The following TTC1 variants were observed in gnomAD, a reference collection of about 807,000 sequenced individuals.
The protein encoded by TTC1 is tetratricopeptide repeat domain 1.
Under a neutral mutation model 37.6 loss-of-function variants are expected in TTC1, and 31 were observed. The ratio of observed to expected loss-of-function variants is 0.82; its 90% CI spans 0.62 to 1.11. The LOEUF (loss-of-function observed/expected upper bound fraction) is 1.11, where lower values mean the gene tolerates loss of function less well. Among genes scored for constraint, TTC1 ranks in the 50% most tolerant of loss-of-function variants. The probability of loss-of-function intolerance (pLI) is 0.00; values close to 1 mark genes in which losing one functional copy is unlikely to be tolerated. For missense variants in TTC1, 351 were observed against 339.0 expected, an observed-to-expected ratio of 1.04 and a Z score of -0.28; for synonymous variants, 127 against 122.4, an observed-to-expected ratio of 1.04 and a Z score of -0.25.
chr5:160,025,773 C>T (rs1374864585), intron 2 of TTC1, among the ~76,000 whole-genome samples: 1 of 152,002 alleles, frequency 6.6e-6, no homozygotes, highest in Non-Finnish European at 1.5e-5. Context: ...CTTTGCTTTG[C>T]TTTGTTTTAT....
At chr5:160,024,079 G>C (rs941398815) in intron 2 of TTC1, 1 of 963,506 alleles carries the variant, frequency 1.0e-6, no homozygotes, top group Non-Finnish European at 1.7e-6. Flanking sequence ...AAGTGTGGGG[G>C]GATGGGCAAT....
chr5:160,043,126 T>C lies in TTC1; in HGVS notation c.505-7T>C, dbSNP rs1304734647. ...GCAACACATATTAATACTGTTTTTC[T>C]TTTTAGGACAAGAAAGAAATGGCCA... On this transcript the variant is annotated splice_polypyrimidine_tract_variant and splice_region_variant and intron_variant, in intron 4 of 7. Coordinates refer to ENST00000231238, the MANE Select transcript of TTC1 (RefSeq NM_003314.3). The C allele has an allele frequency of 6.2e-7, 1 of 1,613,226 alleles. No individual in the cohort carries two copies. Among genetic ancestry groups the C allele is most frequent in the Non-Finnish European group, 8.5e-7 (1 of 1,179,624 alleles).
At chr5:160,022,073 T>G (rs990135597) in intron 2 of TTC1, among the ~76,000 whole-genome samples, 19 of 152,236 alleles carry the variant, frequency 1.2e-4, no homozygotes, top group African/African-American at 4.6e-4. Context: ...CTTGCCGGAG[T>G]GAGAGTCTTG....
At chr5:160,045,933 G>A (rs1757231666) in intron 5 of TTC1, among the ~76,000 whole-genome samples, 3 of 152,034 alleles carry the variant, frequency 2.0e-5, no homozygotes, top group Admixed American at 2.0e-4. Flanking sequence ...GGTAGAGACA[G>A]GGTTTCACCA....
At chr5:160,025,998 A>G (rs1756797921) in intron 2 of TTC1, among the ~76,000 whole-genome samples, 1 of 152,238 alleles carries the variant, frequency 6.6e-6, no homozygotes, top group Non-Finnish European at 1.5e-5. Context: ...GCAATCCGGA[A>G]CTGTTAACTA....
At chr5:160,016,277 C>T (rs1756604936) in intron 2 of TTC1, among the ~76,000 whole-genome samples, 1 of 152,188 alleles carries the variant, frequency 6.6e-6, no homozygotes, top group Non-Finnish European at 1.5e-5. Context: ...ACTTAGAAGG[C>T]TGAGGCACGA....
In TTC1 at chr5:160,019,137, C is replaced by T. The variant is rs556190800; in HGVS notation, c.330+8279C>T. On this transcript the variant is annotated intron_variant, in intron 2 of 7. Coordinates refer to ENST00000231238, the MANE Select transcript of TTC1 (RefSeq NM_003314.3). Reference sequence around the variant, plus strand: ...TTTGCTCCCTTTCACTAGTGGTTTGCAAATGGTATTCATTTACATGTACAC... The same window carrying T: ...TTTGCTCCCTTTCACTAGTGGTTTGTAAATGGTATTCATTTACATGTACAC... Among the ~76,000 whole-genome samples the T allele has an allele frequency of 1.1e-4, 17 of 152,282 alleles. No individual in the cohort carries two copies. In the East Asian group the frequency reaches 1.7e-3, roughly 16 times the overall value.
chr5:160,035,142 AAGAAG>A lies in TTC1; in HGVS notation c.342_346del (p.Glu115HisfsTer2). ...TGTAATTCTCTGATGTCTTTCAGAA[AAGAAG>A]AGAAGAGAGCACTAGACTAAAGGAG... On this transcript the variant is annotated frameshift_variant, in exon 3 of 8. Coordinates refer to ENST00000231238, the MANE Select transcript of TTC1 (RefSeq NM_003314.3). LOFTEE classifies it high-confidence loss of function. The A allele has an allele frequency of 3.1e-6, 5 of 1,593,666 alleles. No homozygotes were observed. Among genetic ancestry groups the A allele is most frequent in the Middle Eastern group, 1.7e-4 (1 of 5,970 alleles).
At position 160,029,961 on chromosome 5, in the gene TTC1, A is replaced by G. The variant is rs564794635; in HGVS notation, c.331-5179A>G. Among the ~76,000 whole-genome samples, 4 of 152,348 alleles carry G rather than the reference A, an allele frequency of 2.6e-5. No homozygotes were observed. The East Asian group carries it at 7.7e-4, about 29-fold the overall frequency. ...GCCTTGACAGGAGCCTCTTCTGCCC[A>G]GGTCTGAGGGCCAAAAAGCGCTCTA... On this transcript the variant is annotated intron_variant, in intron 2 of 7. Coordinates refer to ENST00000231238, the MANE Select transcript of TTC1 (RefSeq NM_003314.3).
intron 2 of TTC1, among the ~76,000 whole-genome samples, chr5:160,032,780 C>T (rs1756935008): frequency 7.1e-6 from 1 of 141,644 alleles, no homozygotes; most frequent in South Asian, 2.3e-4. Context: ...GTGGCGCGGC[C>T]TTGACTCACT....
At chr5:160,038,755 C>T (rs1268755804) in intron 4 of TTC1, among the ~76,000 whole-genome samples, 3 of 149,934 alleles carry the variant, frequency 2.0e-5, no homozygotes, top group African/African-American at 4.9e-5. Context: ...CTCCGCCTCC[C>T]GTGTTCAAGC....
intron 4 of TTC1, among the ~76,000 whole-genome samples, chr5:160,042,699 A>C (rs374862658): frequency 2.6e-5 from 4 of 152,258 alleles, no homozygotes; most frequent in South Asian, 2.1e-4. Flanking sequence ...GTGTGTCTGT[A>C]GGTGGAGCAT....
chr5:160,010,515 C>T lies in TTC1; in HGVS notation c.-14C>T, dbSNP rs1756480440. On this transcript the variant is annotated 5_prime_UTR_variant, in exon 2 of 8. Coordinates refer to ENST00000231238, the MANE Select transcript of TTC1 (RefSeq NM_003314.3). ...TTTCCCCCAGCTTTAGCGTCACCTC[C>T]CTCACTGGGCAGCATGGGGGAGAAG... 6.2e-7 allele frequency: 1 copy of T among 1,604,046 alleles called. No homozygotes were observed. Among genetic ancestry groups the T allele is most frequent in the African/African-American group, 1.3e-5 (1 of 74,582 alleles).
At chr5:160,009,332 G>A (rs893264947) in intron 1 of TTC1, 139 bp downstream of exon 1, 3 of 152,226 alleles carry the variant, frequency 2.0e-5, no homozygotes, top group African/African-American at 4.8e-5. Flanking sequence ...TGGGAGCGAA[G>A]AGAAGCAAGA....
rs1757346360 is a variant in TTC1, at chr5:160,049,557, A to G, written c.585A>G (p.Arg195=). 1 of 1,609,402 alleles carries G rather than the reference A, an allele frequency of 6.2e-7. No homozygotes were observed. Among genetic ancestry groups the G allele is most frequent in the South Asian group, 1.1e-5 (1 of 90,126 alleles). ...NPSYIRAILR[R]AELYEKTDKL... ...GCTATATCAGGGCAATATTGAGGAGAGCAGAGTTGTATGAGAAGACGGACA... is the reference window on the plus strand; with the variant it reads ...GCTATATCAGGGCAATATTGAGGAGGGCAGAGTTGTATGAGAAGACGGACA... The change falls in exon 6 of 8, where the codon AGA becomes AGG. Residue 195 remains arginine (R), a synonymous_variant. Coordinates refer to ENST00000231238, the MANE Select transcript of TTC1 (RefSeq NM_003314.3).
rs933428158 is a variant in TTC1, at chr5:160,057,520, C to T, written c.745+6337C>T. 6.6e-6 allele frequency among the ~76,000 whole-genome samples: 1 copy of T among 152,138 alleles called. No homozygotes were observed. The highest frequency in any genetic ancestry group is 2.4e-5 in the African/African-American group (1 of 41,420). On this transcript the variant is annotated intron_variant, in intron 7 of 7. Transcript: ENST00000231238. The surrounding 1 kb of genome is among the most constrained non-coding windows in gnomAD (Gnocchi z 4.4). ...TTGCTGCTGGAGGGCCTTGCCTCCA[C>T]GTGGATGGTTGCTGACTGATCAGGT...
chr5:160,038,724 G>A lies in TTC1; in HGVS notation c.504+1921G>A, dbSNP rs192304834. ...GTCACCTAGGCTGGAGTGCAGTGGT[G>A]TGATCTCGGCTCACTGCAACCTCCG... is the stretch of plus-strand genomic sequence containing the variant. On this transcript the variant is annotated intron_variant, in intron 4 of 7. Coordinates refer to ENST00000231238, the MANE Select transcript of TTC1 (RefSeq NM_003314.3). 2.2e-3 allele frequency among the ~76,000 whole-genome samples: 314 copies of A among 143,298 alleles called. 5 individuals carry two copies. Among genetic ancestry groups the A allele is most frequent in the Admixed American group, 0.02 (270 of 13,568 alleles). The allele number at this position is 143,298 out of a possible 152,430, so 94.0% of individuals were successfully genotyped here.
chr5:160,048,126 CTTTTTTTTTTT>C (rs56201199), intron 5 of TTC1, among the ~76,000 whole-genome samples: 103 of 35,570 alleles, frequency 2.9e-3, no homozygotes, highest in Middle Eastern at 0.023. Context: ...CAAGACATTG[CTTTTTTTTTTT>C]TTTTTTTTTT....
chr5:160,031,967 G>A (rs947830110), intron 2 of TTC1, among the ~76,000 whole-genome samples: 1 of 152,154 alleles, frequency 6.6e-6, no homozygotes, highest in African/African-American at 2.4e-5. Context: ...CTCCAGCCTG[G>A]GCAACAGAAG....
Sources: gnomAD v4.1 joint callset for allele counts (sites outside exome capture counted in the v4.1 genomes callset) on GRCh38, gnomAD v4.1.1 for gene constraint, Gnocchi (gnomAD v3.1) non-coding constraint, MANE v1.5 for transcripts, NCBI Gene and HGNC (gene_info 2026-07-23, HGNC 2026-07-21) for gene names.